Variants in FAM117B observed in about 807,000 individuals in gnomAD.
FAM117B encodes family with sequence similarity 117 member B.
A neutral mutation model predicts 52.8 loss-of-function variants in FAM117B; 22 were observed. The observed-to-expected ratio is 0.42, with a 90% CI of 0.30 to 0.59. The LOEUF (loss-of-function observed/expected upper bound fraction) is 0.59, where lower values mean the gene tolerates loss of function less well. Ranked by LOEUF, FAM117B falls within the 20% of genes least tolerant of loss-of-function variation. The pLI is 0.22. For missense variants in FAM117B, 678 were observed against 802.6 expected (o/e 0.84, Z 1.88); for synonymous variants, 309 against 324.1 (o/e 0.95, Z 0.50).
intron 1 of FAM117B, among the ~76,000 whole-genome samples, chr2:202,690,236 A>G (rs904153656): frequency 2.0e-5 from 3 of 152,188 alleles, no homozygotes; most frequent in African/African-American, 7.2e-5. Context: ...CATAGTTTTT[A>G]TTTACTTTGA....
Position 202,696,050 on chromosome 2 carries a change from C to A in FAM117B, c.753+18C>A, listed in dbSNP as rs754012811. On this transcript the variant is annotated intron_variant, in intron 2 of 7. Coordinates refer to ENST00000392238, the MANE Select transcript of FAM117B (RefSeq NM_173511.4). ...CTACACAGGTAAGCTTATTATAGTT[C>A]TTATCCTGAAGTGTTTTTCTCTGAA... The A allele has an allele frequency of 1.6e-5, 26 of 1,608,998 alleles. No individual in the cohort carries two copies. Among genetic ancestry groups the A allele is most frequent in the Non-Finnish European group, 1.9e-5 (22 of 1,178,126 alleles).
At chr2:202,683,836 G>C (rs1249229435) in intron 1 of FAM117B, among the ~76,000 whole-genome samples, 1 of 151,980 alleles carries the variant, frequency 6.6e-6, no homozygotes, top group Non-Finnish European at 1.5e-5. Flanking sequence ...AAGCCACACA[G>C]ACATTGTAAG....
rs1689672164 is a variant in FAM117B, at chr2:202,635,652, G to C, written c.465G>C (p.Ser155=). 7.4e-7 allele frequency: 1 copy of C among 1,348,154 alleles called. No homozygotes were observed. Among genetic ancestry groups the C allele is most frequent in the African/African-American group, 1.5e-5 (1 of 65,320 alleles). The allele number at this position is 1,348,154 out of a possible 1,614,324, so 83.5% of individuals were successfully genotyped here. A position where few individuals can be genotyped will look rare whatever the true frequency, so the allele number is the denominator to read the frequency against. The stretch of plus-strand genomic sequence containing the variant: ...TGGGCACCGTGTCGTCGCCCAGCTC[G>C]TCGCCCACCCACCTGTGGACCGGCG... ...PLLGTVSSPS[S]SPTHLWTGEV... is the part of the protein sequence containing the mutation. The change falls in exon 1 of 8, where the codon TCG becomes TCC. Residue 155 remains serine (S), a synonymous_variant. Coordinates refer to ENST00000392238, the MANE Select transcript of FAM117B (RefSeq NM_173511.4).
chr2:202,640,662 T>G (rs1574536917), intron 1 of FAM117B, among the ~76,000 whole-genome samples: 1 of 150,430 alleles, frequency 6.6e-6, no homozygotes, highest in Non-Finnish European at 1.5e-5. Context: ...CAGGCTGGAG[T>G]GTAGTGGCAC....
intron 4 of FAM117B, among the ~76,000 whole-genome samples, chr2:202,731,822 G>A (rs886526690): frequency 2.0e-5 from 3 of 151,722 alleles, no homozygotes; most frequent in South Asian, 2.1e-4. Flanking sequence ...TGCAATCTCC[G>A]CCTACCAGGT....
intron 4 of FAM117B, among the ~76,000 whole-genome samples, chr2:202,736,298 C>G (rs1332471941): frequency 6.6e-6 from 1 of 152,066 alleles, no homozygotes; most frequent in Non-Finnish European, 1.5e-5. Context: ...CTTGGAAGAG[C>G]TGTAAAGGTA....
In FAM117B at chr2:202,635,177, G is replaced by C. The variant is rs1030984805; in HGVS notation, c.-11G>C. 32 of 1,268,104 alleles carry C rather than the reference G, an allele frequency of 2.5e-5. No homozygotes were observed. The highest frequency in any genetic ancestry group is 8.2e-5 in the Admixed American group (2 of 24,442). The allele number at this position is 1,268,104 out of a possible 1,614,324, so 78.6% of individuals were successfully genotyped here. ...CCCCGTCTCGCCCAGTCACCGGGGA[G>C]GGGGGGGACCATGTCCCAGCGGGTG... On this transcript the variant is annotated 5_prime_UTR_variant, in exon 1 of 8. Coordinates refer to ENST00000392238, the MANE Select transcript of FAM117B (RefSeq NM_173511.4).
Position 202,730,704 on chromosome 2 carries a change from G to A in FAM117B, c.960+4341G>A, listed in dbSNP as rs79103065. 8.7e-3 allele frequency among the ~76,000 whole-genome samples: 1,328 copies of A among 152,116 alleles called. 20 individuals are homozygous for A. The highest frequency in any genetic ancestry group is 0.03 in the African/African-American group (1,235 of 41,500). On this transcript the variant is annotated intron_variant, in intron 4 of 7. Coordinates refer to ENST00000392238, the MANE Select transcript of FAM117B (RefSeq NM_173511.4). ...AATGAAAAAATAAAAAATGAAATAG[G>A]ATTTTAGAAGTTTATCTATCTACCT...
chr2:202,635,973 C>T (rs1348240416), intron 1 of FAM117B, among the ~76,000 whole-genome samples, 185 bp downstream of exon 1: 5 of 147,908 alleles, frequency 3.4e-5, no homozygotes, highest in Admixed American at 1.3e-4. Flanking sequence ...GCCTACCCTA[C>T]GCCCCGCCCG....
intron 2 of FAM117B, among the ~76,000 whole-genome samples, chr2:202,705,134 C>T (rs997227467): frequency 6.6e-6 from 1 of 151,762 alleles, no homozygotes; most frequent in Non-Finnish European, 1.5e-5. Context: ...TGGAGAAACC[C>T]CATCTCTACT....
chr2:202,663,451 A>G (rs898664785), intron 1 of FAM117B, among the ~76,000 whole-genome samples: 3 of 152,254 alleles, frequency 2.0e-5, no homozygotes, highest in African/African-American at 7.2e-5. Flanking sequence ...GTATCTTTTT[A>G]TTTAATGGCG....
At chr2:202,733,768 A>T in intron 4 of FAM117B, among the ~76,000 whole-genome samples, 1 of 152,180 alleles carries the variant, frequency 6.6e-6, no homozygotes, top group East Asian at 1.9e-4. Context: ...TTACAATCAG[A>T]TTTCATATTG....
At chr2:202,701,221 A>G (rs868832468) in intron 2 of FAM117B, among the ~76,000 whole-genome samples, 2 of 152,216 alleles carry the variant, frequency 1.3e-5, no homozygotes, top group Non-Finnish European at 2.9e-5. Flanking sequence ...TGCTTGATTC[A>G]TGGAACGACA....
chr2:202,653,910 T>C (rs1574542638), intron 1 of FAM117B, among the ~76,000 whole-genome samples: 1 of 152,160 alleles, frequency 6.6e-6, no homozygotes, highest in East Asian at 1.9e-4. Flanking sequence ...TATTCAACCT[T>C]TTCTGTGCAT....
chr2:202,666,690 A>G (rs1211983447), intron 1 of FAM117B, among the ~76,000 whole-genome samples: 3 of 134,028 alleles, frequency 2.2e-5, no homozygotes, highest in South Asian at 4.5e-4. Flanking sequence ...TTTTTTTGAG[A>G]CAGAGTCTCG....
chr2:202,652,879 C>T (rs1180320753), intron 1 of FAM117B, among the ~76,000 whole-genome samples: 1 of 152,156 alleles, frequency 6.6e-6, no homozygotes, highest in Non-Finnish European at 1.5e-5. Flanking sequence ...TCTCAGTAAC[C>T]TGCAGTCCAG....
chr2:202,660,421 T>C (rs1690112142), intron 1 of FAM117B, among the ~76,000 whole-genome samples: 2 of 152,094 alleles, frequency 1.3e-5, no homozygotes, highest in South Asian at 4.1e-4. Flanking sequence ...TGCAGTACTA[T>C]TTGGGTCTGT....
intron 1 of FAM117B, among the ~76,000 whole-genome samples, chr2:202,668,145 TATAA>T (rs943272550): frequency 7.1e-6 from 1 of 140,270 alleles, no homozygotes; most frequent in Non-Finnish European, 1.5e-5. Context: ...TATAAAAATA[TATAA>T]ATATATAATT....
chr2:202,661,153 C>T (rs985523929), intron 1 of FAM117B, among the ~76,000 whole-genome samples: 1 of 152,168 alleles, frequency 6.6e-6, no homozygotes, highest in African/African-American at 2.4e-5. Context: ...TTGTTTTGTT[C>T]CCAAATCTAG....
Sources: gnomAD v4.1 joint callset for allele counts (sites outside exome capture counted in the v4.1 genomes callset) on GRCh38, gnomAD v4.1.1 for gene constraint, MANE v1.5 for transcripts, NCBI Gene and HGNC (gene_info 2026-07-23, HGNC 2026-07-21) for gene names.